The following RNF217 variants were observed in gnomAD, a reference collection of about 807,000 sequenced individuals.
RNF217 encodes the protein ring finger protein 217, also known as E3 ubiquitin-protein ligase RNF217.
In RNF217, 31 loss-of-function variants were observed where a neutral mutation model predicts 57.8. The ratio of observed to expected loss-of-function variants is 0.54; its 90% CI spans 0.40 to 0.72. RNF217 has a LOEUF of 0.72. Among genes scored for constraint, RNF217 ranks in the 30% least tolerant of loss-of-function variants. RNF217 has a pLI of 0.00. For synonymous variants in RNF217, 313 were observed against 294.0 expected (o/e 1.06, Z -0.66); for missense variants, 696 against 708.3 (o/e 0.98, Z 0.20).
rs1282650553 is a variant in RNF217, at chr6:125,083,858, A to G, written c.*921A>G. The stretch of plus-strand genomic sequence containing the variant: ...TGGCTGCTTTTAGGAAATTCTCAAG[A>G]CACAAATATTCAGTCTTTTTAAAAT... On this transcript the variant is annotated 3_prime_UTR_variant, in exon 6 of 6. Transcript: ENST00000521654. 6.6e-6 allele frequency: 1 copy of G among 152,082 alleles called. No homozygotes were observed. Among genetic ancestry groups the G allele is most frequent in the Non-Finnish European group, 1.5e-5 (1 of 67,990 alleles). 9.4% of individuals were successfully genotyped at this position (152,082 alleles called of 1,614,324 possible).
rs1582714645 is a variant in RNF217, at chr6:125,018,855, T to A, written c.883-26356T>A. On this transcript the variant is annotated intron_variant, in intron 1 of 5. Transcript: ENST00000521654. ...CTGGAGGTACTGCAGTGTGGTGATA[T>A]AGATGCACCATACTGAAAGTAGGGA... Among the ~76,000 whole-genome samples the A allele has an allele frequency of 2.6e-5, 4 of 152,202 alleles. 1 individual carries two copies.
chr6:125,078,709 T>G (rs1275747777), intron 4 of RNF217, among the ~76,000 whole-genome samples: 1 of 152,148 alleles, frequency 6.6e-6, no homozygotes, highest in Non-Finnish European at 1.5e-5. Flanking sequence ...GCCTGTCTTT[T>G]GTGTGTGCAG....
At chr6:124,986,647 TG>T (rs1784372874) in intron 1 of RNF217, among the ~76,000 whole-genome samples, 2 of 152,216 alleles carry the variant, frequency 1.3e-5, no homozygotes, top group Non-Finnish European at 2.9e-5. Flanking sequence ...ATCTCTTCCC[TG>T]TCTTATGTGA....
rs191022728 is a variant in RNF217, at chr6:125,062,931, A to G, written c.1281+4825A>G. On this transcript the variant is annotated intron_variant, in intron 3 of 5. Transcript: ENST00000521654. ...TGAAACACCATTTTTTATCTTAACA[A>G]TGAGTTTTCTATTTAATGTAAATTC... is the stretch of plus-strand genomic sequence containing the variant. 1.7e-3 allele frequency among the ~76,000 whole-genome samples: 262 copies of G among 152,276 alleles called. 1 individual carries two copies. Among genetic ancestry groups the G allele is most frequent in the South Asian group, 7.7e-3 (37 of 4,832 alleles).
intron 3 of RNF217, among the ~76,000 whole-genome samples, chr6:125,060,652 C>A (rs1398184549): frequency 6.6e-6 from 1 of 151,962 alleles, no homozygotes; most frequent in Non-Finnish European, 1.5e-5. Context: ...ACCATGTTGG[C>A]CAGGTTGGTC....
intron 2 of RNF217, among the ~76,000 whole-genome samples, chr6:125,054,304 G>A (rs1787440247): frequency 6.6e-6 from 1 of 152,144 alleles, no homozygotes; most frequent in Non-Finnish European, 1.5e-5. Context: ...TGTTTCTTGG[G>A]CTACCTCAAT....
At chr6:124,973,417 G>A (rs1180862538) in intron 1 of RNF217, among the ~76,000 whole-genome samples, 1 of 152,004 alleles carries the variant, frequency 6.6e-6, no homozygotes, top group Non-Finnish European at 1.5e-5. Context: ...TAATTATATG[G>A]TATGTGATAA....
chr6:125,010,526 A>G (rs1785377066), intron 1 of RNF217, among the ~76,000 whole-genome samples: 1 of 152,188 alleles, frequency 6.6e-6, no homozygotes, highest in Non-Finnish European at 1.5e-5. Context: ...ACTTCTTCTG[A>G]TGCAAACAGT....
intron 1 of RNF217, among the ~76,000 whole-genome samples, chr6:124,987,700 T>G (rs1024746210): frequency 6.6e-6 from 1 of 152,166 alleles, no homozygotes; most frequent in African/African-American, 2.4e-5. Context: ...GGCTTTGAAC[T>G]GCTAGGCTCA....
At chr6:124,975,660 C>T (rs1783928612) in intron 1 of RNF217, among the ~76,000 whole-genome samples, 1 of 152,162 alleles carries the variant, frequency 6.6e-6, no homozygotes, top group Admixed American at 6.5e-5. Flanking sequence ...TGGTCTTATA[C>T]TCCTGGGCTC....
rs575800306 is a variant in RNF217, at chr6:125,065,163, C to T, written c.1281+7057C>T. Among the ~76,000 whole-genome samples the T allele has an allele frequency of 3.4e-3, 516 of 151,546 alleles. 4 individuals carry two copies. Among genetic ancestry groups the T allele is most frequent in the South Asian group, 0.018 (88 of 4,782 alleles). ...AAAATTAGCTGGACGTAGTGGCAGT[C>T]GCTTGTAGTCCCAGCTACTTGGGAG... On this transcript the variant is annotated intron_variant, in intron 3 of 5. Coordinates refer to ENST00000521654, the MANE Select transcript of RNF217 (RefSeq NM_001286398.3).
chr6:124,989,430 T>C (rs1205962013), intron 1 of RNF217, among the ~76,000 whole-genome samples: 2 of 152,124 alleles, frequency 1.3e-5, no homozygotes, highest in Admixed American at 6.6e-5. Flanking sequence ...CATGGTAAGG[T>C]AATATGCATG....
chr6:125,080,869 T>C (rs1270606102), intron 4 of RNF217, among the ~76,000 whole-genome samples: 1 of 152,154 alleles, frequency 6.6e-6, no homozygotes, highest in African/African-American at 2.4e-5. Context: ...GTACTAGGTA[T>C]TTATTCATAG....
chr6:124,979,006 T>G (rs967373516), intron 1 of RNF217, among the ~76,000 whole-genome samples: 2 of 152,118 alleles, frequency 1.3e-5, no homozygotes, highest in Admixed American at 1.3e-4. Context: ...AAAGCACCAT[T>G]TGATTGGCTA....
At chr6:124,977,083 G>A (rs771740846) in intron 1 of RNF217, among the ~76,000 whole-genome samples, 2 of 152,106 alleles carry the variant, frequency 1.3e-5, no homozygotes, top group Non-Finnish European at 2.9e-5. Context: ...TAAAAACTTG[G>A]AATCAGAATT....
intron 1 of RNF217, among the ~76,000 whole-genome samples, chr6:125,024,515 C>T (rs923676654): frequency 2.0e-5 from 3 of 151,702 alleles, no homozygotes; most frequent in Non-Finnish European, 2.9e-5. Flanking sequence ...CTCAGGAGTT[C>T]GAGACCACCC....
At position 124,963,083 on chromosome 6, in the gene RNF217, A is replaced by AGCAGCTCTCGCCGCCCGCGTCGCC. The variant is rs1454485172; in HGVS notation, c.540_563dup (p.Gln181_Pro188dup). ...GACCTGCCCGAGGCCCCCGCCTCGG[A>AGCAGCTCTCGCCGCCCGCGTCGCC]GCAGCTCTCGCCGCCCGCGTCGCCA... On this transcript the variant is annotated inframe_insertion, in exon 1 of 6. Transcript: ENST00000521654. 1 of 1,551,898 alleles carries AGCAGCTCTCGCCGCCCGCGTCGCC rather than the reference A, an allele frequency of 6.4e-7. No homozygotes were observed. Among genetic ancestry groups the AGCAGCTCTCGCCGCCCGCGTCGCC allele is most frequent in the South Asian group, 1.2e-5 (1 of 85,972 alleles).
intron 1 of RNF217, among the ~76,000 whole-genome samples, chr6:125,004,955 A>C (rs9401793): frequency 0.99 from 150,486 of 152,228 alleles, 74,400 homozygotes; most frequent in East Asian, 1. Context: ...GTTCTGGAGG[A>C]TGGGAAGTCC....
chr6:125,003,649 C>T (rs915930376), intron 1 of RNF217, among the ~76,000 whole-genome samples: 30 of 152,076 alleles, frequency 2.0e-4, no homozygotes, highest in African/African-American at 7.2e-4. Flanking sequence ...TTGATTTAAT[C>T]ATTCCACAAT....
Sources: allele counts gnomAD v4.1 joint callset (sites outside exome capture counted in the v4.1 genomes callset), GRCh38; gene constraint gnomAD v4.1.1; transcripts MANE v1.5; gene names NCBI Gene and HGNC (gene_info 2026-07-23, HGNC 2026-07-21).